The following RPGRIP1L variants were observed in gnomAD, a reference collection of about 807,000 sequenced individuals.
The protein encoded by RPGRIP1L is RPGRIP1 like, also known as protein fantom.
RPGRIP1L carries 131 observed loss-of-function variants against 160.4 expected under a neutral mutation model. The observed-to-expected ratio is 0.82, with a 90% CI of 0.71 to 0.94. The LOEUF is 0.94. Ranked by LOEUF, RPGRIP1L falls within the 40% of genes least tolerant of loss-of-function variation. The pLI is 0.00. For missense variants in RPGRIP1L, 1,522 were observed against 1,535.8 expected, an observed-to-expected ratio of 0.99 and a Z score of 0.15; for synonymous variants, 510 against 515.8, an observed-to-expected ratio of 0.99 and a Z score of 0.15.
intron 5 of RPGRIP1L, 89 bp downstream of exon 5, chr16:53,687,774 T>A: frequency 1.2e-6 from 1 of 815,260 alleles, no homozygotes; most frequent in Non-Finnish European, 2.2e-6. Context: ...GCAAACTGTT[T>A]ACATATAAAT....
chr16:53,683,124 G>C (rs1190421679), intron 6 of RPGRIP1L, among the ~76,000 whole-genome samples: 1 of 151,456 alleles, frequency 6.6e-6, no homozygotes, highest in East Asian at 1.9e-4. Flanking sequence ...TCCTTTCTTA[G>C]CTTCTTCATA....
chr16:53,606,565 G>T (rs1963696989), intron 25 of RPGRIP1L, among the ~76,000 whole-genome samples: 1 of 152,054 alleles, frequency 6.6e-6, no homozygotes, highest in Admixed American at 6.6e-5. Context: ...ATTCTATATT[G>T]AATTCCTTTA....
intron 25 of RPGRIP1L, chr16:53,607,964 T>G: frequency 1.0e-6 from 1 of 985,150 alleles, no homozygotes; most frequent in Non-Finnish European, 1.2e-6. Context: ...GTCCCATGTC[T>G]GGAAGAACGC....
intron 15 of RPGRIP1L, 42 bp downstream of exon 15, chr16:53,652,493 A>C: frequency 1.3e-6 from 2 of 1,487,228 alleles, no homozygotes; most frequent in Non-Finnish European, 9.4e-7. Context: ...ATATAAACCA[A>C]ATTAGTAATT....
chr16:53,642,568 A>G (rs1471044620), intron 17 of RPGRIP1L, among the ~76,000 whole-genome samples: 2 of 152,168 alleles, frequency 1.3e-5, no homozygotes, highest in South Asian at 4.1e-4. Context: ...AATCTTCTCT[A>G]AAAAAATGAT....
At chr16:53,683,541 G>A (rs576875651) in intron 6 of RPGRIP1L, among the ~76,000 whole-genome samples, 3 of 152,054 alleles carry the variant, frequency 2.0e-5, no homozygotes, top group Non-Finnish European at 2.9e-5. Flanking sequence ...TATCAGTGAG[G>A]TGACATGATA....
chr16:53,621,202 G>C (rs1964683888), intron 23 of RPGRIP1L, among the ~76,000 whole-genome samples: 1 of 151,964 alleles, frequency 6.6e-6, no homozygotes, highest in South Asian at 2.1e-4. Context: ...ATGAAAACTT[G>C]CATTATTGTA....
At chr16:53,618,935 A>G in intron 24 of RPGRIP1L, 90 bp downstream of exon 24, 6 of 1,061,528 alleles carry the variant, frequency 5.7e-6, no homozygotes, top group Non-Finnish European at 8.6e-6. Context: ...TGAATATTAG[A>G]GAAATAAACT....
intron 10 of RPGRIP1L, among the ~76,000 whole-genome samples, chr16:53,661,441 ATAAG>A (rs759650093): frequency 6.6e-6 from 1 of 152,334 alleles, no homozygotes; most frequent in East Asian, 1.9e-4. Flanking sequence ...AGAGAATAGA[ATAAG>A]TAAGTGGGAC....
rs576234640 is a variant in RPGRIP1L, at chr16:53,660,851, C to T, written c.1244-1973G>A. On this transcript the variant is annotated intron_variant, in intron 10 of 26. Transcript: ENST00000647211. ...GAGGTTGCTGTGAGCCGAGATTGCGCCACTGCACTCCAGCCTGGGCAATAG... is the reference window on the plus strand; with the variant it reads ...GAGGTTGCTGTGAGCCGAGATTGCGTCACTGCACTCCAGCCTGGGCAATAG... 1.0e-4 allele frequency among the ~76,000 whole-genome samples: 15 copies of T among 150,250 alleles called. No individual in the cohort carries two copies. The South Asian group carries it at 3.0e-3, about 30-fold the overall frequency.
rs1444726635 is a variant in RPGRIP1L, at chr16:53,652,773, A to G, written c.1914T>C (p.Tyr638=). The G allele has an allele frequency of 1.2e-6, 2 of 1,614,190 alleles. No individual in the cohort carries two copies. Among genetic ancestry groups the G allele is most frequent in the Non-Finnish European group, 8.5e-7 (1 of 1,180,010 alleles). Residue 638 remains tyrosine, a synonymous_variant, in exon 15 of 27, where the codon TAT becomes TAC. Transcript: ENST00000647211. The part of the protein sequence containing the change: ...EPVTFCTYAF[Y]DFELQTTPVV... ...CGGGAGTTGTCTGTAGTTCAAAATC[A>G]TAGAAAGCATAGGTACAGAAAGTGA...
intron 10 of RPGRIP1L, chr16:53,659,235 C>T (rs1434347682): frequency 9.5e-6 from 9 of 949,978 alleles, no homozygotes; most frequent in Non-Finnish European, 1.1e-5. Context: ...TCCTGAAAAG[C>T]ATGTGGAAAA....
Position 53,665,006 on chromosome 16 carries a change from G to T in RPGRIP1L, c.1107C>A (p.Ala369=). 1 of 1,613,554 alleles carries T rather than the reference G, an allele frequency of 6.2e-7. No individual in the cohort carries two copies. ...KENYDKLYDS[A]FSAAHEEQWK... ...ATTGCTCTTCATGGGCAGCACTGAA[G>T]GCACTGCAAAACACACGTGACATGC... The change falls in exon 10 of 27, where the codon GCC becomes GCA. Residue 369 remains alanine, a synonymous_variant. Coordinates refer to ENST00000647211, the MANE Select transcript of RPGRIP1L (RefSeq NM_015272.5).
rs770842770 is a variant in RPGRIP1L at position 53,656,541 on chromosome 16, A to C, written c.1630T>G (p.Tyr544Asp). The change falls in exon 14 of 27, where the codon TAT becomes GAT. Residue 544 changes from tyrosine (Y) to aspartate (D), a missense_variant. Physicochemically the swap from Tyr to Asp is radical, Grantham distance 160. Transcript: ENST00000647211. ...ACATACTGTTCCACTTTGAGTTCAT[A>C]ATCTTGCTGCAAATTTTCCATCTTA... Reference protein sequence around the residue: ...TRKMENLQQDYELKVEQYVHL... With the variant: ...TRKMENLQQDDELKVEQYVHL... 1 of 1,614,048 alleles carries C rather than the reference A, an allele frequency of 6.2e-7. No homozygotes were observed. Among genetic ancestry groups the C allele is most frequent in the South Asian group, 1.1e-5 (1 of 91,080 alleles).
chr16:53,687,811 A>G, intron 5 of RPGRIP1L, 52 bp downstream of exon 5: 2 of 1,071,698 alleles, frequency 1.9e-6, no homozygotes, highest in Non-Finnish European at 2.9e-6. Context: ...TAAAAAAAAA[A>G]GACATTATCA....
chr16:53,666,735 G>T (rs1968301100), intron 9 of RPGRIP1L, among the ~76,000 whole-genome samples: 1 of 152,104 alleles, frequency 6.6e-6, no homozygotes, highest in Non-Finnish European at 1.5e-5. Flanking sequence ...AAACAGTAGT[G>T]TTCCAATAGC....
At chr16:53,621,538 C>A (rs1161668963) in intron 23 of RPGRIP1L, among the ~76,000 whole-genome samples, 1 of 146,490 alleles carries the variant, frequency 6.8e-6, no homozygotes. Flanking sequence ...GTTATTGTTT[C>A]TTCATTCATT....
rs572452519 is a variant in RPGRIP1L at position 53,621,441 on chromosome 16, T to C, written c.3432+778A>G. Among the ~76,000 whole-genome samples, 8 of 151,738 alleles carry C rather than the reference T, an allele frequency of 5.3e-5. No individual in the cohort carries two copies. In the East Asian group the frequency reaches 9.7e-4, roughly 18 times the overall value. ...CTTATTTCTGGTCAATTTTTTTTTT[T>C]TTTTTTTGGATCTCTACACTACTGC... On this transcript the variant is annotated intron_variant, in intron 23 of 26. Transcript: ENST00000647211.
intron 16 of RPGRIP1L, among the ~76,000 whole-genome samples, chr16:53,648,624 G>GCACACACACACA (rs1285147301): frequency 5.8e-4 from 62 of 106,808 alleles, no homozygotes; most frequent in African/African-American, 1.0e-3. Context: ...GCGCGCGCGC[G>GCACACACACACA]CGCACACACA....
Sources: gnomAD v4.1 joint callset for allele counts (sites outside exome capture counted in the v4.1 genomes callset) on GRCh38, gnomAD v4.1.1 for gene constraint, MANE v1.5 for transcripts, NCBI Gene and HGNC (gene_info 2026-07-23, HGNC 2026-07-21) for gene names.